The following LMCD1 variants were observed in gnomAD, a reference collection of about 807,000 sequenced individuals.
The protein encoded by LMCD1 is LIM and cysteine-rich domains protein 1.
Under a neutral mutation model 42.7 loss-of-function variants are expected in LMCD1, and 32 were observed. The observed-to-expected ratio is 0.75, with a 90% CI of 0.57 to 1.01. LMCD1 has a LOEUF of 1.01. Ranked by LOEUF, LMCD1 falls within the 50% of genes least tolerant of loss-of-function variation. LMCD1 has a pLI of 0.00. For missense variants in LMCD1, 458 were observed against 483.1 expected (o/e 0.95, Z 0.49); for synonymous variants, 178 against 184.9 (o/e 0.96, Z 0.30).
At chr3:8,502,761 G>A (rs780153047) in intron 1 of LMCD1, among the ~76,000 whole-genome samples, 7 of 152,020 alleles carry the variant, frequency 4.6e-5, no homozygotes, top group Non-Finnish European at 8.8e-5. Flanking sequence ...AGGAGCCTGC[G>A]GCTGTGCCTA....
At chr3:8,540,024 C>T (rs1439153583) in intron 3 of LMCD1, among the ~76,000 whole-genome samples, 1 of 151,444 alleles carries the variant, frequency 6.6e-6, no homozygotes. Context: ...ATCCTGTGTC[C>T]AAGTGTTCTT....
At chr3:8,512,930 T>G (rs923095999) in intron 1 of LMCD1, among the ~76,000 whole-genome samples, 1 of 152,156 alleles carries the variant, frequency 6.6e-6, no homozygotes, top group African/African-American at 2.4e-5. Flanking sequence ...CTATGGCCTT[T>G]CAAGTTCAGA....
intron 4 of LMCD1, chr3:8,550,378 C>T (rs1478603890): frequency 4.1e-6 from 4 of 985,550 alleles, no homozygotes; most frequent in Non-Finnish European, 3.6e-6. Flanking sequence ...CCTTGCTGAA[C>T]AGGCTGGCAG....
At chr3:8,558,608 A>T (rs1694970189) in intron 4 of LMCD1, among the ~76,000 whole-genome samples, 2 of 152,242 alleles carry the variant, frequency 1.3e-5, no homozygotes, top group Non-Finnish European at 2.9e-5. Context: ...TATGCTAATT[A>T]TAAAGCATTC....
Position 8,513,347 on chromosome 3 carries a change from G to A in LMCD1, c.42+11367G>A, listed in dbSNP as rs532919028. 2.6e-5 allele frequency among the ~76,000 whole-genome samples: 4 copies of A among 152,214 alleles called. No homozygotes were observed. The South Asian group carries it at 8.3e-4, about 32-fold the overall frequency. On this transcript the variant is annotated intron_variant, in intron 1 of 5. Coordinates refer to ENST00000157600, the MANE Select transcript of LMCD1 (RefSeq NM_014583.4). ...CACGCATCCCCCAGGGTTTGTCTGG[G>A]GATCCATCTTGTTACTTGTGCCAGC... is the stretch of plus-strand genomic sequence containing the variant.
intron 4 of LMCD1, chr3:8,550,837 G>A: frequency 2.0e-6 from 2 of 985,198 alleles, no homozygotes; most frequent in Non-Finnish European, 2.4e-6. Flanking sequence ...CTAAGTCACT[G>A]TAGCATTTCC....
At chr3:8,559,718 G>T (rs996523013) in intron 4 of LMCD1, among the ~76,000 whole-genome samples, 1 of 152,222 alleles carries the variant, frequency 6.6e-6, no homozygotes, top group East Asian at 1.9e-4. Flanking sequence ...ACCACCAGAC[G>T]ATAGATCCAG....
intron 4 of LMCD1, among the ~76,000 whole-genome samples, chr3:8,563,214 G>A (rs555305175): frequency 3.9e-5 from 6 of 152,354 alleles, no homozygotes; most frequent in African/African-American, 1.4e-4. Context: ...CAACCATACA[G>A]AGAAAGGTAA....
intron 1 of LMCD1, among the ~76,000 whole-genome samples, chr3:8,504,652 A>G (rs1488111475): frequency 6.6e-6 from 1 of 152,256 alleles, no homozygotes; most frequent in Non-Finnish European, 1.5e-5. Context: ...GGCAGAGCTT[A>G]CAAGTTCCCT....
intron 1 of LMCD1, among the ~76,000 whole-genome samples, chr3:8,528,352 G>GT (rs35009327): frequency 0.055 from 8,306 of 151,056 alleles, 431 homozygotes; most frequent in South Asian, 0.14. Context: ...ACCACACCTA[G>GT]TTTTTTTTTG....
chr3:8,551,328 GC>G (rs1694834656), intron 4 of LMCD1: 7 of 985,436 alleles, frequency 7.1e-6, no homozygotes, highest in Non-Finnish European at 7.2e-6. Context: ...TGGCCAATTT[GC>G]CTAGGCGGAC....
intron 1 of LMCD1, among the ~76,000 whole-genome samples, chr3:8,516,232 G>A (rs1326473041): frequency 5.3e-5 from 8 of 152,162 alleles, no homozygotes; most frequent in Non-Finnish European, 1.0e-4. Flanking sequence ...GGAAGCGGTT[G>A]GCCTGGATCA....
rs1021600760 is a variant in LMCD1 at position 8,551,344 on chromosome 3, C to T, written c.723+2441C>T. The stretch of plus-strand genomic sequence containing the variant: ...GGCCAATTTGCCTAGGCGGACGGTG[C>T]GATTCCAGTTCCACATTTATTAAGC... On this transcript the variant is annotated intron_variant, in intron 4 of 5. Transcript: ENST00000157600. 1.7e-5 allele frequency: 17 copies of T among 985,120 alleles called. No individual in the cohort carries two copies. The African/African-American group carries it at 1.7e-4, about 10-fold the overall frequency. The allele number at this position is 985,120 out of a possible 1,614,324, so 61.0% of individuals were successfully genotyped here. A position where few individuals can be genotyped will look rare whatever the true frequency, so the allele number is the denominator to read the frequency against.
rs1695118084 is a variant in LMCD1 at position 8,565,560 on chromosome 3, C to T, written c.852C>T (p.Asp284=). ...CCAAGTGCTCCGAGCCGCTGGTGGACCTCATCTACTTCTGGAAGGATGGTG... is the reference window on the plus strand; with the variant it reads ...CCAAGTGCTCCGAGCCGCTGGTGGATCTCATCTACTTCTGGAAGGATGGTG... ...VCAKCSEPLV[D]LIYFWKDGAP... is the part of the protein sequence containing the mutation. The change falls in exon 5 of 6, where the codon GAC becomes GAT. Residue 284 remains aspartate, a synonymous_variant. Coordinates refer to ENST00000157600, the MANE Select transcript of LMCD1 (RefSeq NM_014583.4). 5 of 1,614,012 alleles carry T rather than the reference C, an allele frequency of 3.1e-6. No individual in the cohort carries two copies. Among genetic ancestry groups the T allele is most frequent in the Non-Finnish European group, 4.2e-6 (5 of 1,180,026 alleles).
At chr3:8,553,129 A>G (rs979931766) in intron 4 of LMCD1, among the ~76,000 whole-genome samples, 1 of 152,084 alleles carries the variant, frequency 6.6e-6, no homozygotes, top group Non-Finnish European at 1.5e-5. Flanking sequence ...TCTGTAACCT[A>G]CCTTGACGGC....
chr3:8,503,004 G>C (rs552157639), intron 1 of LMCD1, among the ~76,000 whole-genome samples: 1 of 152,262 alleles, frequency 6.6e-6, no homozygotes, highest in South Asian at 2.1e-4. Context: ...TGATTCACCA[G>C]GTCACTTTTC....
chr3:8,564,980 C>CT (rs1695101041), intron 4 of LMCD1, among the ~76,000 whole-genome samples: 1 of 152,166 alleles, frequency 6.6e-6, no homozygotes, highest in East Asian at 1.9e-4. Context: ...TTTTCTTCTA[C>CT]TTTTTTTGTT....
Position 8,548,846 on chromosome 3 carries a change from G to A in LMCD1, c.666G>A (p.Glu222=). Residue 222 remains glutamate (E), a synonymous_variant, in exon 4 of 6, where the codon GAG becomes GAA. Transcript: ENST00000157600. ...GKQQEKPEGA[E]TTAATTNGSL... is the part of the protein sequence containing the mutation. ...AGCAGGAAAAGCCAGAGGGGGCAGA[G>A]ACCACTGCTGCTACCACCAACGGCA... is the stretch of plus-strand genomic sequence containing the variant. The A allele has an allele frequency of 6.3e-7, 1 of 1,583,336 alleles. No individual in the cohort carries two copies. The highest frequency in any genetic ancestry group is 1.2e-5 in the South Asian group (1 of 86,454).
chr3:8,551,117 T>TA (rs1694831791), intron 4 of LMCD1: 1 of 985,024 alleles, frequency 1.0e-6, no homozygotes. Flanking sequence ...CTGTGGAAGA[T>TA]AGACTTCTAT....
Sources: gnomAD v4.1 joint callset for allele counts (sites outside exome capture counted in the v4.1 genomes callset) on GRCh38, gnomAD v4.1.1 for gene constraint, MANE v1.5 for transcripts, NCBI Gene and HGNC (gene_info 2026-07-23, HGNC 2026-07-21) for gene names.